Variants in KALRN observed in about 807,000 individuals in gnomAD.
KALRN encodes kalirin RhoGEF kinase.
A neutral mutation model predicts 353.7 loss-of-function variants in KALRN; 70 were observed. That is an observed-to-expected ratio of 0.20 (90% confidence interval 0.16 to 0.24). The LOEUF is 0.24. Among genes scored for constraint, KALRN ranks in the 10% least tolerant of loss-of-function variants. The pLI, the probability that KALRN is intolerant of heterozygous loss-of-function variation, is 1.00. For synonymous variants in KALRN, 1,391 were observed against 1,434.8 expected (o/e 0.97, Z 0.69); for missense variants, 2,791 against 3,756.7 (o/e 0.74, Z 6.72).
intron 33 of KALRN, among the ~76,000 whole-genome samples, chr3:124,548,522 G>A (rs1232365424): frequency 6.6e-6 from 1 of 152,150 alleles, no homozygotes; most frequent in Non-Finnish European, 1.5e-5. Context: ...CAGCACCACT[G>A]AGCCATTCAG....
At chr3:124,132,270 T>G (rs2065386343) in intron 1 of KALRN, among the ~76,000 whole-genome samples, 1 of 152,148 alleles carries the variant, frequency 6.6e-6, no homozygotes, top group South Asian at 2.1e-4. Context: ...CAGGTGGACA[T>G]GTCTTGATGA....
intron 25 of KALRN, among the ~76,000 whole-genome samples, chr3:124,469,373 T>C (rs1331186109): frequency 6.6e-6 from 1 of 152,184 alleles, no homozygotes; most frequent in Admixed American, 6.5e-5. Flanking sequence ...TCAGCCTGGG[T>C]GATCCAACTG....
intron 33 of KALRN, among the ~76,000 whole-genome samples, chr3:124,510,377 G>A (rs2065767255): frequency 6.6e-6 from 1 of 152,192 alleles, no homozygotes; most frequent in Non-Finnish European, 1.5e-5. Context: ...TGGAGAGTCA[G>A]TATGCCTGGT....
At chr3:124,114,236 C>T (rs148071833) in intron 1 of KALRN, among the ~76,000 whole-genome samples, 53 of 152,262 alleles carry the variant, frequency 3.5e-4, no homozygotes, top group African/African-American at 1.2e-3. Context: ...GCAAGCACCC[C>T]TTGGTACCTG....
chr3:124,696,358 C>T, intron 54 of KALRN, 103 bp downstream of exon 54: 1 of 1,113,484 alleles, frequency 9.0e-7, no homozygotes, highest in South Asian at 1.7e-5. Context: ...GCAGCCTTGA[C>T]CTCCCAGGCT....
chr3:124,301,584 G>C (rs898175506), intron 6 of KALRN, among the ~76,000 whole-genome samples: 1 of 152,142 alleles, frequency 6.6e-6, no homozygotes, highest in African/African-American at 2.4e-5. Flanking sequence ...TTGTTAAATG[G>C]GAGGTTTAAG....
intron 33 of KALRN, among the ~76,000 whole-genome samples, chr3:124,515,443 G>T (rs913376300): frequency 1.3e-5 from 2 of 152,216 alleles, no homozygotes; most frequent in South Asian, 2.1e-4. Flanking sequence ...GACAATGTGT[G>T]CTGGAAAATG....
chr3:124,436,391 A>G (rs2093461086), intron 17 of KALRN, among the ~76,000 whole-genome samples: 2 of 152,110 alleles, frequency 1.3e-5, no homozygotes, highest in South Asian at 2.1e-4. Context: ...GATCTCAAGT[A>G]CTCTTTTTCT....
rs75535657 is a variant in KALRN at position 124,253,469 on chromosome 3, T to C, written c.264-11029T>C. 4.7e-4 allele frequency among the ~76,000 whole-genome samples: 72 copies of C among 152,318 alleles called. No individual in the cohort carries two copies. The East Asian group carries it at 0.013, about 27-fold the overall frequency. On this transcript the variant is annotated intron_variant, in intron 3 of 59. Transcript: ENST00000682506. Reference sequence around the variant, plus strand: ...CCTATGGTGAACGGTCTGCAGGTACTAAAGGCTGCCCAGGCATCATGGATA... The same window carrying C: ...CCTATGGTGAACGGTCTGCAGGTACCAAAGGCTGCCCAGGCATCATGGATA...
Position 124,671,821 on chromosome 3 carries a change from C to T in KALRN, c.6865C>T (p.Pro2289Ser), listed in dbSNP as rs1265356828. Residue 2289 changes from proline (P) to serine (S), a missense_variant, in exon 48 of 60, where the codon CCC (proline) becomes TCC (serine). By Grantham distance (74) the Pro-to-Ser change is moderately conservative. Transcript: ENST00000682506. ...KGSSYNPPLP[P>S]LKISTSNGSP... ...CTCCAGCTATAACCCACCTCTGCCT[C>T]CCCTGAAGATATCTACCTCCAATGG... 1.2e-6 allele frequency: 2 copies of T among 1,614,226 alleles called. No homozygotes were observed. Among genetic ancestry groups the T allele is most frequent in the African/African-American group, 1.3e-5 (1 of 75,046 alleles).
chr3:124,688,145 T>C (rs542739329), intron 51 of KALRN, among the ~76,000 whole-genome samples: 1 of 152,128 alleles, frequency 6.6e-6, no homozygotes, highest in South Asian at 2.1e-4. Context: ...ACCCCATCTC[T>C]ATAAAGAATA....
At position 124,414,105 on chromosome 3, in the gene KALRN, A is replaced by T. The variant is rs3772746; in HGVS notation, c.2542+440A>T. Among the ~76,000 whole-genome samples the T allele has an allele frequency of 1.7e-4, 26 of 152,148 alleles. No individual in the cohort carries two copies. The East Asian group carries it at 4.8e-3, about 28-fold the overall frequency. ...TGGGCAAGAGTCAGATGAAAAAAAA[A>T]AGAAAAGAAACGGAAGCCATGAGAG... On this transcript the variant is annotated intron_variant, in intron 14 of 59. Coordinates refer to ENST00000682506, the MANE Select transcript of KALRN (RefSeq NM_001388419.1).
chr3:124,307,820 T>C (rs1273503516), intron 6 of KALRN, among the ~76,000 whole-genome samples: 1 of 151,956 alleles, frequency 6.6e-6, no homozygotes, highest in Admixed American at 6.6e-5. Context: ...AAGGTAGAAA[T>C]TGTCAGACTG....
chr3:124,667,173 C>A lies in KALRN; in HGVS notation c.6693C>A (p.Asp2231Glu), dbSNP rs1467048641. 2 of 1,613,550 alleles carry A rather than the reference C, an allele frequency of 1.2e-6. No homozygotes were observed. Among genetic ancestry groups the A allele is most frequent in the Admixed American group, 1.7e-5 (1 of 59,970 alleles). ...DINQVLETQR[D>E]FLNALQSPIE... ...ATCAAGTCTTAGAAACACAGCGAGACTTTTTGAATGGTGGGTGCTGGGCTT... is the reference window on the plus strand; with the variant it reads ...ATCAAGTCTTAGAAACACAGCGAGAATTTTTGAATGGTGGGTGCTGGGCTT... Residue 2231 changes from aspartate to glutamate, a missense_variant, in exon 47 of 60, where the codon GAC becomes GAA. By Grantham distance (45) the Asp-to-Glu change is conservative (BLOSUM62 2). Coordinates refer to ENST00000682506, the MANE Select transcript of KALRN (RefSeq NM_001388419.1).
At chr3:124,530,047 A>T (rs2067912476) in intron 33 of KALRN, among the ~76,000 whole-genome samples, 1 of 152,192 alleles carries the variant, frequency 6.6e-6, no homozygotes, top group South Asian at 2.1e-4. Flanking sequence ...GCTCCAGGAA[A>T]TGAAAATGTG....
chr3:124,446,913 G>C (rs779637489), intron 21 of KALRN, 28 bp downstream of exon 21: 1 of 1,613,060 alleles, frequency 6.2e-7, no homozygotes, highest in Non-Finnish European at 8.5e-7. Flanking sequence ...GCCTCCCCCA[G>C]ATCCACCCAG....
intron 6 of KALRN, among the ~76,000 whole-genome samples, chr3:124,317,855 A>T (rs893017118): frequency 1.3e-5 from 2 of 152,118 alleles, no homozygotes; most frequent in Admixed American, 1.3e-4. Flanking sequence ...CCTAACCCAG[A>T]AAAGCTGCAA....
intron 34 of KALRN, among the ~76,000 whole-genome samples, chr3:124,618,692 G>A (rs1374949129): frequency 2.0e-5 from 3 of 152,222 alleles, no homozygotes; most frequent in Admixed American, 6.5e-5. Flanking sequence ...GGACTCAGGA[G>A]TGGCCCTGAT....
chr3:124,364,614 T>C (rs1257363790), intron 10 of KALRN, among the ~76,000 whole-genome samples: 2 of 152,198 alleles, frequency 1.3e-5, no homozygotes, highest in Non-Finnish European at 2.9e-5. Flanking sequence ...AGTGGCTATG[T>C]GGTGTCTCTT....
Sources: gnomAD v4.1 joint callset for allele counts (sites outside exome capture counted in the v4.1 genomes callset) on GRCh38, gnomAD v4.1.1 for gene constraint, MANE v1.5 for transcripts, NCBI Gene and HGNC (gene_info 2026-07-23, HGNC 2026-07-21) for gene names.